The following ST18 variants were observed in gnomAD, a reference collection of about 807,000 sequenced individuals.
The protein encoded by ST18 is suppression of tumorigenicity 18 protein.
A neutral mutation model predicts 110.0 loss-of-function variants in ST18; 50 were observed. That is an observed-to-expected ratio of 0.45 (90% CI 0.36 to 0.58). The LOEUF (loss-of-function observed/expected upper bound fraction) is 0.58, where lower values mean the gene tolerates loss of function less well. Ranked by LOEUF, ST18 falls within the 20% of genes least tolerant of loss-of-function variation. The pLI is 0.00. For missense variants in ST18, 1,306 were observed against 1,280.1 expected, an observed-to-expected ratio of 1.02 and a Z score of -0.31; for synonymous variants, 461 against 452.4, an observed-to-expected ratio of 1.02 and a Z score of -0.24.
chr8:52,282,569 T>C (rs1390426721), intron 2 of ST18, among the ~76,000 whole-genome samples: 4 of 152,062 alleles, frequency 2.6e-5, no homozygotes, highest in Non-Finnish European at 4.4e-5. Context: ...TCACTGTATG[T>C]AGGGACCTCC....
intron 5 of ST18, among the ~76,000 whole-genome samples, chr8:52,220,251 A>G (rs1003372389): frequency 6.6e-5 from 10 of 152,222 alleles, no homozygotes; most frequent in Non-Finnish European, 1.0e-4. Context: ...AAGCTCCTTC[A>G]TATAGGGATA....
At chr8:52,323,479 CA>C (rs1804910102) in intron 2 of ST18, among the ~76,000 whole-genome samples, 1 of 152,186 alleles carries the variant, frequency 6.6e-6, no homozygotes, top group Non-Finnish European at 1.5e-5. Context: ...ATGTAAACCT[CA>C]AATACCTCTC....
At chr8:52,128,957 A>G (rs772461507) in intron 22 of ST18, among the ~76,000 whole-genome samples, 10 of 152,204 alleles carry the variant, frequency 6.6e-5, no homozygotes, top group Non-Finnish European at 1.5e-4. Context: ...GTAACAAGTG[A>G]TGGGAAAGAA....
rs558739201 is a variant in ST18 at position 52,237,396 on chromosome 8, C to T, written c.-464-7319G>A. Among the ~76,000 whole-genome samples the T allele has an allele frequency of 2.0e-3, 302 of 152,130 alleles. 2 individuals carry two copies. Among genetic ancestry groups the T allele is most frequent in the African/African-American group, 7.0e-3 (290 of 41,504 alleles). On this transcript the variant is annotated intron_variant, in intron 2 of 25. Coordinates refer to ENST00000689386, the MANE Select transcript of ST18 (RefSeq NM_001352837.2). ...TTCACACTAGATACTATTATAAATG[C>T]TTTATGTATATTAACTCAATCTGCA...
chr8:52,320,809 C>T (rs1803556164), intron 2 of ST18, among the ~76,000 whole-genome samples: 1 of 152,166 alleles, frequency 6.6e-6, no homozygotes, highest in African/African-American at 2.4e-5. Flanking sequence ...CCTTATGACC[C>T]AACCATTCAC....
At chr8:52,385,375 G>A (rs1012319061) in intron 2 of ST18, among the ~76,000 whole-genome samples, 2 of 152,078 alleles carry the variant, frequency 1.3e-5, no homozygotes, top group Admixed American at 6.5e-5. Flanking sequence ...CAAGGCAGGC[G>A]GATCACCTGA....
chr8:52,341,508 T>C (rs1435705117), intron 2 of ST18, among the ~76,000 whole-genome samples: 5 of 152,206 alleles, frequency 3.3e-5, no homozygotes, highest in African/African-American at 1.2e-4. Flanking sequence ...CAAAGGGCAA[T>C]CAAGGCTGCT....
chr8:52,255,617 A>G (rs566159529), intron 2 of ST18, among the ~76,000 whole-genome samples: 4 of 152,212 alleles, frequency 2.6e-5, no homozygotes, highest in Non-Finnish European at 5.9e-5. Flanking sequence ...TAACATTTTT[A>G]AAACTTCAAG....
chr8:52,291,863 C>A (rs763153630), intron 2 of ST18, among the ~76,000 whole-genome samples: 3 of 152,172 alleles, frequency 2.0e-5, no homozygotes, highest in Non-Finnish European at 4.4e-5. Flanking sequence ...CAGCCTCGAC[C>A]TCCTCGGCTC....
chr8:52,143,130 A>T lies in ST18; in HGVS notation c.2053-85T>A, dbSNP rs2132106247. 4 of 868,838 alleles carry T rather than the reference A, an allele frequency of 4.6e-6. No individual in the cohort carries two copies. In the East Asian group the frequency reaches 7.4e-5, roughly 16 times the overall value. The allele number at this position is 868,838 out of a possible 1,614,324, so 53.8% of individuals were successfully genotyped here. On this transcript the variant is annotated intron_variant, in intron 16 of 25. Coordinates refer to ENST00000689386, the MANE Select transcript of ST18 (RefSeq NM_001352837.2). The stretch of plus-strand genomic sequence containing the variant: ...AACTAGATTTAAAATCATTGAAGCC[A>T]GGTTTGAGTTTTGGCTTTGGACTTG...
intron 8 of ST18, among the ~76,000 whole-genome samples, chr8:52,189,759 T>C (rs2073843732): frequency 6.6e-6 from 1 of 152,218 alleles, no homozygotes; most frequent in Non-Finnish European, 1.5e-5. Flanking sequence ...CATGGCCCTT[T>C]GATAGAGTGG....
At chr8:52,276,621 C>G (rs193293948) in intron 2 of ST18, among the ~76,000 whole-genome samples, 26 of 152,212 alleles carry the variant, frequency 1.7e-4, no homozygotes, top group African/African-American at 6.0e-4. Flanking sequence ...TGATCATGCA[C>G]CCCCAATGCC....
chr8:52,117,385 C>T (rs1379677807), intron 24 of ST18, among the ~76,000 whole-genome samples: 1 of 152,202 alleles, frequency 6.6e-6, no homozygotes, highest in African/African-American at 2.4e-5. Context: ...GCCCAGCCCC[C>T]TGCCATTCTA....
intron 2 of ST18, among the ~76,000 whole-genome samples, chr8:52,390,865 C>T (rs1214165589): frequency 6.6e-6 from 1 of 152,144 alleles, no homozygotes; most frequent in Admixed American, 6.5e-5. Flanking sequence ...GCAGACGGCA[C>T]TAAAAAGTAA....
intron 2 of ST18, among the ~76,000 whole-genome samples, chr8:52,360,190 C>T (rs1309939103): frequency 1.3e-5 from 2 of 151,960 alleles, no homozygotes; most frequent in Admixed American, 1.3e-4. Context: ...GTCAGTCTTT[C>T]CAGCATATTG....
intron 2 of ST18, among the ~76,000 whole-genome samples, chr8:52,366,758 T>C (rs1828121975): frequency 6.6e-6 from 1 of 152,222 alleles, no homozygotes. Context: ...TGATATTGTC[T>C]TATTGTTTGT....
chr8:52,135,492 G>A (rs575490067), intron 19 of ST18, among the ~76,000 whole-genome samples: 123 of 150,066 alleles, frequency 8.2e-4, no homozygotes, highest in Non-Finnish European at 1.2e-3. Context: ...CCTGGGAGGC[G>A]GAGGTTGCAG....
chr8:52,399,117 T>C (rs1842094406), intron 2 of ST18, among the ~76,000 whole-genome samples: 1 of 152,072 alleles, frequency 6.6e-6, no homozygotes, highest in South Asian at 2.1e-4. Flanking sequence ...TCTCTTGATT[T>C]GTTATTGGTA....
intron 2 of ST18, among the ~76,000 whole-genome samples, chr8:52,383,215 T>G (rs74773000): frequency 0.011 from 1,619 of 152,294 alleles, 21 homozygotes; most frequent in African/African-American, 0.038. Context: ...AACAGGCAAG[T>G]GCAAGTTCTC....
Sources: gnomAD v4.1 joint callset for allele counts (sites outside exome capture counted in the v4.1 genomes callset) on GRCh38, gnomAD v4.1.1 for gene constraint, MANE v1.5 for transcripts, NCBI Gene and HGNC (gene_info 2026-07-23, HGNC 2026-07-21) for gene names.